Variants in NPAS3 observed in about 807,000 individuals in gnomAD.
NPAS3 encodes the protein neuronal PAS domain protein 3.
In NPAS3, 14 loss-of-function variants were observed where a neutral mutation model predicts 73.1. The observed-to-expected ratio is 0.19, with a 90% CI of 0.13 to 0.30. The LOEUF is 0.30. Among genes scored for constraint, NPAS3 ranks in the 10% least tolerant of loss-of-function variants. The probability of loss-of-function intolerance (pLI) is 1.00; values close to 1 mark genes in which losing one functional copy is unlikely to be tolerated. For synonymous variants in NPAS3, 620 were observed against 541.5 expected (o/e 1.14, Z -2.01); for missense variants, 1,096 against 1,250.0 (o/e 0.88, Z 1.86).
At chr14:33,510,735 TGGA>T (rs2053009374) in intron 4 of NPAS3, among the ~76,000 whole-genome samples, 4 of 152,210 alleles carry the variant, frequency 2.6e-5, no homozygotes, top group Middle Eastern at 3.4e-3. Context: ...GTGTGCTTAC[TGGA>T]GAACTACCGC....
chr14:33,420,859 T>C (rs2048335561), intron 4 of NPAS3, among the ~76,000 whole-genome samples: 1 of 151,940 alleles, frequency 6.6e-6, no homozygotes, highest in Admixed American at 6.6e-5. Context: ...AGATTGCTGA[T>C]AAACAATAGC....
At chr14:33,564,925 T>C (rs539941649) in intron 5 of NPAS3, among the ~76,000 whole-genome samples, 1 of 152,252 alleles carries the variant, frequency 6.6e-6, no homozygotes, top group South Asian at 2.1e-4. Flanking sequence ...TCTCTTGAAA[T>C]GTGTTCTAAT....
intron 2 of NPAS3, among the ~76,000 whole-genome samples, chr14:33,095,670 A>T (rs12432639): frequency 0.49 from 33,892 of 69,050 alleles, 8,299 homozygotes; most frequent in African/African-American, 0.63. Context: ...TTATTTTTTT[A>T]TTTTTTTTTT....
chr14:33,755,760 G>A (rs764123296), intron 7 of NPAS3, among the ~76,000 whole-genome samples: 2 of 151,884 alleles, frequency 1.3e-5, no homozygotes, highest in South Asian at 2.1e-4. Flanking sequence ...TTTGGCTCAC[G>A]GTTTTGCAGG....
At chr14:33,567,307 A>G (rs528900614) in intron 5 of NPAS3, among the ~76,000 whole-genome samples, 35 of 152,232 alleles carry the variant, frequency 2.3e-4, no homozygotes, top group Non-Finnish European at 4.3e-4. Context: ...TGCTTTTGAC[A>G]AGATTTGCTG....
At chr14:33,068,452 A>G (rs1351149430) in intron 2 of NPAS3, among the ~76,000 whole-genome samples, 3 of 152,180 alleles carry the variant, frequency 2.0e-5, no homozygotes, top group African/African-American at 4.8e-5. Flanking sequence ...CTCTTAACAC[A>G]TTAATTGAGT....
chr14:33,293,997 T>C (rs1470126942), intron 3 of NPAS3, among the ~76,000 whole-genome samples: 1 of 152,136 alleles, frequency 6.6e-6, no homozygotes, highest in East Asian at 1.9e-4. Context: ...TAAGGCAAGA[T>C]ATGTAAGAGG....
chr14:33,161,130 A>C (rs2139311189), intron 2 of NPAS3, among the ~76,000 whole-genome samples: 1 of 152,312 alleles, frequency 6.6e-6, no homozygotes. Flanking sequence ...TGGGGATATT[A>C]AGTTATTTAA....
At chr14:33,452,071 A>G (rs2049815466) in intron 4 of NPAS3, among the ~76,000 whole-genome samples, 1 of 152,180 alleles carries the variant, frequency 6.6e-6, no homozygotes, top group Non-Finnish European at 1.5e-5. Flanking sequence ...CATCATGTTA[A>G]TGTTGATGCC....
At chr14:33,033,183 A>G (rs1157406400) in intron 1 of NPAS3, among the ~76,000 whole-genome samples, 2 of 152,206 alleles carry the variant, frequency 1.3e-5, no homozygotes, top group African/African-American at 2.4e-5. Flanking sequence ...ACTTAAATAT[A>G]TAGGCCTATT....
intron 3 of NPAS3, among the ~76,000 whole-genome samples, chr14:33,325,574 G>C (rs1257239589): frequency 6.6e-6 from 1 of 151,342 alleles, no homozygotes; most frequent in Non-Finnish European, 1.5e-5. Context: ...TGAAACCCAG[G>C]AGGTGGAGGT....
At chr14:33,032,854 G>A (rs1332196364) in intron 1 of NPAS3, among the ~76,000 whole-genome samples, 3 of 152,168 alleles carry the variant, frequency 2.0e-5, no homozygotes, top group East Asian at 1.9e-4. Flanking sequence ...CTTAAACAAC[G>A]ATAAATGCGA....
chr14:33,438,839 CA>C (rs1261855382), intron 4 of NPAS3, among the ~76,000 whole-genome samples: 1 of 152,166 alleles, frequency 6.6e-6, no homozygotes, highest in East Asian at 1.9e-4. Context: ...AAATGAAAGG[CA>C]TGGGCACACC....
At chr14:33,589,094 T>C (rs1438519938) in intron 5 of NPAS3, among the ~76,000 whole-genome samples, 1 of 152,194 alleles carries the variant, frequency 6.6e-6, no homozygotes, top group East Asian at 1.9e-4. Context: ...CCCCCAAAAA[T>C]TGTGTACTTA....
intron 2 of NPAS3, among the ~76,000 whole-genome samples, chr14:33,123,857 CTTTCTTTTTTT>C (rs1175417000): frequency 9.9e-6 from 1 of 101,080 alleles, no homozygotes; most frequent in Non-Finnish European, 1.9e-5. Flanking sequence ...TTCTTTCTTT[CTTTCTTTTTTT>C]TTTTTTTTTT....
intron 6 of NPAS3, chr14:33,680,748 A>AAATC (rs1479881991): frequency 1.2e-5 from 8 of 666,760 alleles, no homozygotes; most frequent in Non-Finnish European, 2.2e-5. Context: ...ATAGAGGGGA[A>AAATC]AATCAATACT....
intron 5 of NPAS3, among the ~76,000 whole-genome samples, chr14:33,605,901 A>G (rs2057544658): frequency 6.6e-6 from 1 of 152,160 alleles, no homozygotes; most frequent in Non-Finnish European, 1.5e-5. Context: ...GCAAGTACCT[A>G]GCATAGCCAA....
intron 5 of NPAS3, among the ~76,000 whole-genome samples, chr14:33,660,126 G>A (rs957617384): frequency 6.6e-6 from 1 of 152,082 alleles, no homozygotes; most frequent in African/African-American, 2.4e-5. Flanking sequence ...TAAAAAGGCA[G>A]AAATGAATAC....
intron 6 of NPAS3, among the ~76,000 whole-genome samples, chr14:33,706,983 C>T (rs907764735): frequency 1.3e-5 from 2 of 152,206 alleles, no homozygotes; most frequent in Non-Finnish European, 2.9e-5. Flanking sequence ...AATGAAATAG[C>T]TCCATTTAAA....
Sources: allele counts gnomAD v4.1 joint callset (sites outside exome capture counted in the v4.1 genomes callset), GRCh38; gene constraint gnomAD v4.1.1; transcripts MANE v1.5; gene names NCBI Gene and HGNC (gene_info 2026-07-23, HGNC 2026-07-21).